Variants in DIAPH2 observed in about 807,000 individuals in gnomAD.
The protein encoded by DIAPH2 is protein diaphanous homolog 2.
In DIAPH2, 35 loss-of-function variants were observed where a neutral mutation model predicts 92.7. The ratio of observed to expected loss-of-function variants is 0.38; its 90% CI spans 0.29 to 0.50. The LOEUF is 0.50. DIAPH2 is among the 20% of genes least tolerant of loss of function. The probability of loss-of-function intolerance (pLI) is 0.94; values close to 1 mark genes in which losing one functional copy is unlikely to be tolerated. For synonymous variants in DIAPH2, 301 were observed against 280.4 expected (o/e 1.07, Z -0.73); for missense variants, 701 against 819.5 (o/e 0.86, Z 1.77).
intron 26 of DIAPH2, among the ~76,000 whole-genome samples, chrX:97,588,685 T>G (rs1435387949): frequency 1.8e-5 from 2 of 110,079 alleles, no homozygotes; most frequent in African/African-American, 3.3e-5. Context: ...GGACACAAAT[T>G]TATTCATGTT....
At chrX:97,469,897 A>G (rs1173775045) in intron 26 of DIAPH2, 5 of 937,756 alleles carry the variant, frequency 5.3e-6, no homozygotes, top group Admixed American at 4.0e-5. Flanking sequence ...AATTTATGCT[A>G]TATGCCCCTT....
At chrX:97,483,407 G>C (rs763128457) in intron 26 of DIAPH2, among the ~76,000 whole-genome samples, 1 of 110,780 alleles carries the variant, frequency 9.0e-6, no homozygotes, top group African/African-American at 3.3e-5. Flanking sequence ...AAAAGAGAGA[G>C]AGAGAGAAAG....
intron 17 of DIAPH2, among the ~76,000 whole-genome samples, chrX:96,989,621 G>T (rs1490989142): frequency 1.8e-5 from 2 of 111,797 alleles, no homozygotes; most frequent in Non-Finnish European, 3.8e-5. Context: ...TAGCTTCTCT[G>T]TATGATAATG....
intron 22 of DIAPH2, among the ~76,000 whole-genome samples, chrX:97,184,691 G>A (rs925003096): frequency 9.0e-6 from 1 of 111,579 alleles, no homozygotes; most frequent in Admixed American, 9.6e-5. Context: ...CACTATCTTA[G>A]TAATGTTAAG....
chrX:96,836,974 G>A (rs1479775994), intron 4 of DIAPH2, among the ~76,000 whole-genome samples: 3 of 105,807 alleles, frequency 2.8e-5, no homozygotes, highest in Non-Finnish European at 3.9e-5. Flanking sequence ...TGATCCGCCC[G>A]CCTCAGCCTC....
intron 26 of DIAPH2, among the ~76,000 whole-genome samples, chrX:97,584,587 T>G (rs1232632310): frequency 9.0e-6 from 1 of 111,700 alleles, no homozygotes; most frequent in Non-Finnish European, 1.9e-5. Context: ...AAAGTGGTAC[T>G]AGTACCATCA....
At chrX:97,233,574 C>T (rs927775365) in intron 22 of DIAPH2, among the ~76,000 whole-genome samples, 10 of 111,341 alleles carry the variant, frequency 9.0e-5, no homozygotes, top group Non-Finnish European at 1.5e-4. Flanking sequence ...ATTTAGGATG[C>T]GTTTTGGTCA....
chrX:97,429,810 CAAAA>C, intron 26 of DIAPH2, 65 bp downstream of exon 26: 3 of 807,216 alleles, frequency 3.7e-6, no homozygotes, highest in Non-Finnish European at 5.0e-6. Context: ...GTAGCAACAC[CAAAA>C]AAAAAAAAGG....
intron 23 of DIAPH2, among the ~76,000 whole-genome samples, chrX:97,260,907 A>G (rs1235528131): frequency 9.0e-6 from 1 of 111,590 alleles, no homozygotes; most frequent in Non-Finnish European, 1.9e-5. Context: ...CTCTTTCAAC[A>G]TTTACTTTTT....
chrX:97,443,854 A>G (rs1044170817), intron 26 of DIAPH2, among the ~76,000 whole-genome samples: 1 of 112,130 alleles, frequency 8.9e-6, no homozygotes, highest in Non-Finnish European at 1.9e-5. Flanking sequence ...ATGGCTACTT[A>G]GAGGGCAAAT....
chrX:97,196,346 A>G (rs2067704126), intron 22 of DIAPH2, among the ~76,000 whole-genome samples: 1 of 112,272 alleles, frequency 8.9e-6, no homozygotes, highest in Non-Finnish European at 1.9e-5. Context: ...ATTCAGTTCC[A>G]TGTTACTGCC....
chrX:96,786,373 A>G (rs562340512), intron 4 of DIAPH2, among the ~76,000 whole-genome samples: 2 of 111,934 alleles, frequency 1.8e-5, no homozygotes, highest in Admixed American at 9.5e-5. Flanking sequence ...GCTTCAGGTA[A>G]TTAGAACTTG....
chrX:97,321,879 A>G (rs758123308), intron 23 of DIAPH2, among the ~76,000 whole-genome samples: 1 of 112,204 alleles, frequency 8.9e-6, no homozygotes, highest in South Asian at 3.7e-4. Context: ...TATTTGCCAG[A>G]TCTTTAAAGT....
chrX:97,257,447 A>T (rs1185572892), intron 23 of DIAPH2, among the ~76,000 whole-genome samples: 1 of 111,708 alleles, frequency 9.0e-6, no homozygotes. Context: ...CTGAGAGGTA[A>T]CGGTAACAAA....
At chrX:96,795,349 C>T (rs2064530738) in intron 4 of DIAPH2, among the ~76,000 whole-genome samples, 1 of 110,033 alleles carries the variant, frequency 9.1e-6, no homozygotes. Context: ...GTTTTATGGC[C>T]TGGCATATAG....
chrX:97,441,819 A>C (rs754063601), intron 26 of DIAPH2, among the ~76,000 whole-genome samples: 10 of 113,108 alleles, frequency 8.8e-5, no homozygotes, highest in Non-Finnish European at 1.9e-4. Flanking sequence ...TCTCAAAAAA[A>C]TAAATAAATA....
At chrX:97,523,013 C>A (rs1825131748) in intron 26 of DIAPH2, among the ~76,000 whole-genome samples, 2 of 112,051 alleles carry the variant, frequency 1.8e-5, no homozygotes, top group South Asian at 3.8e-4. Context: ...TTGCTATTTC[C>A]TTTCATGCCT....
At chrX:97,020,529 G>A (rs73551252) in intron 17 of DIAPH2, among the ~76,000 whole-genome samples, 3,736 of 111,612 alleles carry the variant, frequency 0.033, 139 homozygotes, top group African/African-American at 0.11. Flanking sequence ...ATTAGCCATA[G>A]TAAGAAACTA....
intron 22 of DIAPH2, among the ~76,000 whole-genome samples, chrX:97,162,492 T>G (rs1052061120): frequency 2.7e-5 from 3 of 111,522 alleles, no homozygotes; most frequent in African/African-American, 9.8e-5. Context: ...GTATCTATAT[T>G]TTTCCTCTCA....
Sources: allele counts gnomAD v4.1 joint callset (sites outside exome capture counted in the v4.1 genomes callset), GRCh38; gene constraint gnomAD v4.1.1; transcripts MANE v1.5; gene names NCBI Gene and HGNC (gene_info 2026-07-23, HGNC 2026-07-21).